The following TENM2 variants were observed in gnomAD, a reference collection of about 807,000 sequenced individuals.
The protein encoded by TENM2 is teneurin transmembrane protein 2.
A neutral mutation model predicts 245.2 loss-of-function variants in TENM2; 52 were observed. The ratio of observed to expected loss-of-function variants is 0.21; its 90% CI spans 0.17 to 0.27. The LOEUF is 0.27. TENM2 is among the 10% of genes least tolerant of loss of function. The pLI is 1.00. For missense variants in TENM2, 3,046 were observed against 3,666.8 expected (o/e 0.83, Z 4.37); for synonymous variants, 1,363 against 1,438.9 (o/e 0.95, Z 1.19).
intron 3 of TENM2, among the ~76,000 whole-genome samples, chr5:167,895,544 T>C (rs1014596463): frequency 2.0e-5 from 3 of 152,254 alleles, no homozygotes; most frequent in African/African-American, 4.8e-5. Context: ...CTCACTGCTA[T>C]GTACTACTTC....
the TENM2 span, among the ~76,000 whole-genome samples, chr5:167,270,603 C>T: frequency 1.9e-4 from 29 of 151,942 alleles, no homozygotes; most frequent in Non-Finnish European, 3.5e-4. Flanking sequence ...TGGATGGTGC[C>T]CTTACCCTTG....
At chr5:168,164,271 A>G (rs113980108) in intron 13 of TENM2, among the ~76,000 whole-genome samples, 3 of 152,316 alleles carry the variant, frequency 2.0e-5, no homozygotes, top group Non-Finnish European at 4.4e-5. Flanking sequence ...TTTGGTTTTA[A>G]GAGTTTTTGT....
At chr5:167,186,547 A>T in the TENM2 span, among the ~76,000 whole-genome samples, 1 of 152,206 alleles carries the variant, frequency 6.6e-6, no homozygotes, top group African/African-American at 2.4e-5. Context: ...AGAGGAGTTT[A>T]GCGAGCTTCC....
intron 3 of TENM2, among the ~76,000 whole-genome samples, chr5:167,891,125 A>C (rs907127990): frequency 6.6e-6 from 1 of 152,192 alleles, no homozygotes; most frequent in African/African-American, 2.4e-5. Context: ...TTTAAAAAAA[A>C]TAGGTTGTTT....
intron 2 of TENM2, among the ~76,000 whole-genome samples, chr5:167,378,827 C>T (rs1405923275): frequency 6.6e-6 from 1 of 150,696 alleles, no homozygotes; most frequent in African/African-American, 2.4e-5. Context: ...TCTTGACTCC[C>T]TTAGGCGATT....
chr5:167,587,096 G>C (rs1008235442), intron 2 of TENM2, among the ~76,000 whole-genome samples: 17 of 152,126 alleles, frequency 1.1e-4, no homozygotes, highest in Admixed American at 6.5e-4. Context: ...GTTGTTTCCA[G>C]TGGGCAGTGA....
At chr5:168,068,860 T>A (rs1166282864) in intron 7 of TENM2, among the ~76,000 whole-genome samples, 2 of 152,034 alleles carry the variant, frequency 1.3e-5, no homozygotes, top group African/African-American at 4.8e-5. Context: ...TGTGTGTGTG[T>A]GTGTGTGTGT....
chr5:167,082,264 T>A, the TENM2 span, among the ~76,000 whole-genome samples: 1,329 of 152,234 alleles, frequency 8.7e-3, 20 homozygotes, highest in African/African-American at 0.031. Context: ...GAGATTTTTT[T>A]ATTTTGTATT....
chr5:167,005,637 T>C, the TENM2 span, among the ~76,000 whole-genome samples: 1 of 150,402 alleles, frequency 6.6e-6, no homozygotes, highest in East Asian at 2.0e-4. Context: ...TGCTCATTCT[T>C]GTTTTTTCTG....
At chr5:167,450,949 T>G (rs548827041) in intron 2 of TENM2, among the ~76,000 whole-genome samples, 1 of 152,262 alleles carries the variant, frequency 6.6e-6, no homozygotes, top group African/African-American at 2.4e-5. Context: ...GTTAATATGA[T>G]ATTTTGCAAG....
At chr5:167,966,181 G>A (rs1028472062) in intron 4 of TENM2, among the ~76,000 whole-genome samples, 1 of 152,186 alleles carries the variant, frequency 6.6e-6, no homozygotes, top group Non-Finnish European at 1.5e-5. Flanking sequence ...TGGCAGCATA[G>A]CATATGATTT....
chr5:168,122,816 A>G (rs1182069180), intron 10 of TENM2, among the ~76,000 whole-genome samples: 1 of 152,146 alleles, frequency 6.6e-6, no homozygotes, highest in African/African-American at 2.4e-5. Flanking sequence ...ATCGTGAGAA[A>G]TATCTCTTAC....
At chr5:167,500,059 A>G (rs1562005713) in intron 2 of TENM2, among the ~76,000 whole-genome samples, 1 of 65,358 alleles carries the variant, frequency 1.5e-5, no homozygotes, top group Non-Finnish European at 3.4e-5. Context: ...CATATATATG[A>G]GGGTGTGTGT....
At chr5:167,613,662 G>A (rs145225793) in intron 2 of TENM2, among the ~76,000 whole-genome samples, 1 of 152,120 alleles carries the variant, frequency 6.6e-6, no homozygotes, top group African/African-American at 2.4e-5. Flanking sequence ...GTCACAGAAA[G>A]CCAAGTTTAT....
chr5:168,234,460 C>CA (rs566637445), intron 25 of TENM2, among the ~76,000 whole-genome samples: 30 of 151,900 alleles, frequency 2.0e-4, no homozygotes, highest in African/African-American at 7.0e-4. Context: ...GTGCCGTACC[C>CA]AAAAAAGAAA....
the TENM2 span, among the ~76,000 whole-genome samples, chr5:167,248,572 C>CG: frequency 6.6e-6 from 1 of 152,014 alleles, no homozygotes; most frequent in Non-Finnish European, 1.5e-5. Flanking sequence ...GAACATCCCC[C>CG]GGGGGGTTCC....
At chr5:167,867,728 C>T (rs916486963) in intron 2 of TENM2, among the ~76,000 whole-genome samples, 9 of 152,136 alleles carry the variant, frequency 5.9e-5, no homozygotes, top group Admixed American at 5.2e-4. Flanking sequence ...ATGAAAATTC[C>T]TCAGGTGAGG....
the TENM2 span, among the ~76,000 whole-genome samples, chr5:167,195,233 G>A: frequency 2.6e-5 from 4 of 151,976 alleles, no homozygotes; most frequent in Admixed American, 2.6e-4. Context: ...AAGGCAGGGG[G>A]GTTTAGTGTC....
intron 7 of TENM2, among the ~76,000 whole-genome samples, chr5:168,080,172 T>C (rs1186712622): frequency 2.6e-5 from 4 of 152,232 alleles, no homozygotes; most frequent in African/African-American, 9.6e-5. Context: ...GGTGTGTGTG[T>C]CGAGGAATTT....
Sources: allele counts gnomAD v4.1 joint callset (sites outside exome capture counted in the v4.1 genomes callset), GRCh38; gene constraint gnomAD v4.1.1; transcripts MANE v1.5; gene names NCBI Gene and HGNC (gene_info 2026-07-23, HGNC 2026-07-21).